Variants in ANTXR1 observed in about 807,000 individuals in gnomAD.
The protein encoded by ANTXR1 is anthrax toxin receptor 1.
A neutral mutation model predicts 78.1 loss-of-function variants in ANTXR1; 19 were observed. The observed-to-expected ratio is 0.24, with a 90% CI of 0.17 to 0.36. ANTXR1 has a LOEUF of 0.36. Ranked by LOEUF, ANTXR1 falls within the 10% of genes least tolerant of loss-of-function variation. The pLI is 1.00. For missense variants in ANTXR1, 518 were observed against 718.6 expected (o/e 0.72, Z 3.19); for synonymous variants, 273 against 260.5 (o/e 1.05, Z -0.46).
chr2:69,093,718 A>G lies in ANTXR1; in HGVS notation c.703+2799A>G, dbSNP rs149256802. The stretch of plus-strand genomic sequence containing the variant: ...ATTCCAAGGTTATTTGGTAGAACCA[A>G]TAAAATAGACAAATCTGGTAAATCC... On this transcript the variant is annotated intron_variant, in intron 9 of 17. Transcript: ENST00000303714. 1.8e-3 allele frequency among the ~76,000 whole-genome samples: 281 copies of G among 152,388 alleles called. 1 individual carries two copies. Among genetic ancestry groups the G allele is most frequent in the Middle Eastern group, 6.8e-3 (2 of 294 alleles).
chr2:69,117,052 A>G (rs956113702), intron 10 of ANTXR1, among the ~76,000 whole-genome samples: 32 of 152,292 alleles, frequency 2.1e-4, no homozygotes, highest in African/African-American at 7.5e-4. Context: ...GCATGGCTTC[A>G]TTCTAGTTGG....
chr2:69,188,290 T>A (rs1034617034), intron 16 of ANTXR1, among the ~76,000 whole-genome samples: 3 of 152,138 alleles, frequency 2.0e-5, no homozygotes, highest in Non-Finnish European at 2.9e-5. Context: ...TAATTTTTTG[T>A]AAACATGGGG....
At chr2:69,045,246 G>C (rs1669729004) in intron 3 of ANTXR1, among the ~76,000 whole-genome samples, 1 of 152,184 alleles carries the variant, frequency 6.6e-6, no homozygotes, top group Admixed American at 6.5e-5. Context: ...CAGGAAGGGA[G>C]TAGAAAGGGA....
At chr2:69,015,104 T>C (rs1356703682) in intron 1 of ANTXR1, among the ~76,000 whole-genome samples, 3 of 151,766 alleles carry the variant, frequency 2.0e-5, no homozygotes, top group Non-Finnish European at 4.4e-5. Context: ...AGAATCACCA[T>C]GTCTCTGAAT....
At position 69,013,420 on chromosome 2, in the gene ANTXR1, G is replaced by C. The variant is rs1380077797; in HGVS notation, c.-80G>C. On this transcript the variant is annotated 5_prime_UTR_variant, in exon 1 of 18. Coordinates refer to ENST00000303714, the MANE Select transcript of ANTXR1 (RefSeq NM_032208.3). This position sits in a 1 kb window ranked among gnomAD's most constrained non-coding sequence, Gnocchi z 5.0. ...AAAGGACCCGCGAGGAAGGGCCCGC[G>C]GATGGCGCGTCCCTGAGGGTCGTGG... 6 of 1,555,002 alleles carry C rather than the reference G, an allele frequency of 3.9e-6. No homozygotes were observed. The East Asian group carries it at 9.3e-5, about 24-fold the overall frequency.
At chr2:69,192,175 C>T (rs962671069) in intron 16 of ANTXR1, among the ~76,000 whole-genome samples, 33 of 152,280 alleles carry the variant, frequency 2.2e-4, no homozygotes, top group Admixed American at 2.2e-3. Flanking sequence ...TTCCTCTTGT[C>T]GCTGTAATGA....
Position 69,245,632 on chromosome 2 carries a change from C to A in ANTXR1, c.*147C>A. ...TTGGCAATGCCAGTATACCAACAATCATGATCAGCTGAAAGAAACAGATAT... is the reference window on the plus strand; with the variant it reads ...TTGGCAATGCCAGTATACCAACAATAATGATCAGCTGAAAGAAACAGATAT... On this transcript the variant is annotated 3_prime_UTR_variant, in exon 18 of 18. Transcript: ENST00000303714. 1 of 1,097,672 alleles carries A rather than the reference C, an allele frequency of 9.1e-7. No homozygotes were observed. The highest frequency in any genetic ancestry group is 1.3e-6 in the Non-Finnish European group (1 of 764,330). The allele number at this position is 1,097,672 out of a possible 1,614,324, so 68.0% of individuals were successfully genotyped here. A position where few individuals can be genotyped will look rare whatever the true frequency, so the allele number is the denominator to read the frequency against.
chr2:69,226,686 C>T (rs1257720220), intron 17 of ANTXR1, among the ~76,000 whole-genome samples: 3 of 152,212 alleles, frequency 2.0e-5, no homozygotes, highest in Non-Finnish European at 4.4e-5. Context: ...GAGGTCATAC[C>T]GTTTGTCATC....
chr2:69,219,914 AT>A (rs113657861), intron 17 of ANTXR1, among the ~76,000 whole-genome samples: 1 of 151,412 alleles, frequency 6.6e-6, no homozygotes, highest in Non-Finnish European at 1.5e-5. Context: ...ATCCTTCCTG[AT>A]TTTTTTTTGA....
At chr2:69,205,837 T>G (rs1020009490) in intron 17 of ANTXR1, among the ~76,000 whole-genome samples, 1 of 152,190 alleles carries the variant, frequency 6.6e-6, no homozygotes, top group African/African-American at 2.4e-5. Flanking sequence ...GATTAAAACT[T>G]TAAAACACTA....
At chr2:69,222,631 G>T (rs1385151108) in intron 17 of ANTXR1, among the ~76,000 whole-genome samples, 1 of 152,214 alleles carries the variant, frequency 6.6e-6, no homozygotes, top group Non-Finnish European at 1.5e-5. Context: ...GGTGACCCTG[G>T]AGTCACTGGA....
intron 9 of ANTXR1, among the ~76,000 whole-genome samples, chr2:69,097,489 A>G (rs991522747): frequency 4.6e-5 from 7 of 152,264 alleles, no homozygotes; most frequent in Admixed American, 4.6e-4. Context: ...AACATCAGAT[A>G]GTGGTGTATT....
intron 17 of ANTXR1, among the ~76,000 whole-genome samples, chr2:69,220,817 C>T (rs1181450514): frequency 1.3e-5 from 2 of 152,154 alleles, no homozygotes; most frequent in Non-Finnish European, 2.9e-5. Context: ...GAACAGTTGA[C>T]CCCTGGAAGT....
chr2:69,243,007 G>C (rs983570237), intron 17 of ANTXR1, among the ~76,000 whole-genome samples: 37 of 152,214 alleles, frequency 2.4e-4, no homozygotes, highest in African/African-American at 8.7e-4. Flanking sequence ...TGGAACCCCA[G>C]TCACAGCCTC....
At chr2:69,159,644 A>T (rs1265172701) in intron 13 of ANTXR1, among the ~76,000 whole-genome samples, 2 of 152,190 alleles carry the variant, frequency 1.3e-5, no homozygotes, top group Non-Finnish European at 2.9e-5. Flanking sequence ...TGTTCATATA[A>T]CAACAATTTT....
intron 1 of ANTXR1, among the ~76,000 whole-genome samples, chr2:69,017,136 C>T (rs1461856900): frequency 6.6e-6 from 1 of 152,188 alleles, no homozygotes; most frequent in Admixed American, 6.5e-5. Context: ...CTTACCACCT[C>T]CATCCAGGCT....
At chr2:69,103,342 C>T (rs58760592) in intron 10 of ANTXR1, 17,831 of 317,032 alleles carry the variant, frequency 0.056, 776 homozygotes, top group East Asian at 0.19. Context: ...GAAACATGAG[C>T]CTCCTTAACA....
chr2:69,243,302 C>A (rs982657215), intron 17 of ANTXR1, among the ~76,000 whole-genome samples: 1 of 152,184 alleles, frequency 6.6e-6, no homozygotes, highest in Admixed American at 6.5e-5. Flanking sequence ...AGTTGTGGAG[C>A]AGCAAAGCAC....
intron 16 of ANTXR1, 90 bp from the exon 17 acceptor site, chr2:69,193,245 C>T: frequency 9.5e-7 from 1 of 1,047,412 alleles, no homozygotes; most frequent in South Asian, 1.3e-5. Flanking sequence ...GTTCACATGA[C>T]TGAAGAAGCA....
Sources: gnomAD v4.1 joint callset for allele counts (sites outside exome capture counted in the v4.1 genomes callset) on GRCh38, gnomAD v4.1.1 for gene constraint, Gnocchi (gnomAD v3.1) non-coding constraint, MANE v1.5 for transcripts, NCBI Gene and HGNC (gene_info 2026-07-23, HGNC 2026-07-21) for gene names.